The following PDE1C variants were observed in gnomAD, a reference collection of about 807,000 sequenced individuals.
PDE1C encodes phosphodiesterase 1C.
In PDE1C, 62 loss-of-function variants were observed where a neutral mutation model predicts 93.1. The ratio of observed to expected loss-of-function variants is 0.67; its 90% CI spans 0.54 to 0.82. The LOEUF is 0.82. Ranked by LOEUF, PDE1C falls within the 40% of genes least tolerant of loss-of-function variation. PDE1C has a pLI of 0.00. For synonymous variants in PDE1C, 325 were observed against 310.1 expected, an observed-to-expected ratio of 1.05 and a Z score of -0.50; for missense variants, 742 against 884.6, an observed-to-expected ratio of 0.84 and a Z score of 2.04.
the PDE1C span, among the ~76,000 whole-genome samples, chr7:31,742,572 T>C: frequency 6.6e-6 from 1 of 152,174 alleles, no homozygotes; most frequent in Non-Finnish European, 1.5e-5. Flanking sequence ...CTTGCCAATC[T>C]TCCTTCACTG....
intron 2 of PDE1C, among the ~76,000 whole-genome samples, chr7:32,016,170 C>T (rs1363239926): frequency 1.3e-5 from 2 of 152,238 alleles, no homozygotes; most frequent in African/African-American, 2.4e-5. Context: ...TATGGGGTAG[C>T]CCTGCTCTGC....
At chr7:32,345,197 C>G (rs185100934) in intron 1 of PDE1C, among the ~76,000 whole-genome samples, 2 of 152,124 alleles carry the variant, frequency 1.3e-5, no homozygotes, top group African/African-American at 4.8e-5. Context: ...GTGGAACTGT[C>G]AGGATATGAC....
chr7:32,199,130 A>AT (rs56817781), intron 2 of PDE1C, among the ~76,000 whole-genome samples: 5 of 149,596 alleles, frequency 3.3e-5, no homozygotes, highest in Admixed American at 6.7e-5. Flanking sequence ...AAAAATAAAA[A>AT]TTTAAAAAAA....
chr7:31,901,400 G>GTA (rs70989621), intron 2 of PDE1C, among the ~76,000 whole-genome samples: 30,608 of 151,164 alleles, frequency 0.2, 3,744 homozygotes, highest in Non-Finnish European at 0.28. Context: ...AACAGCCAAA[G>GTA]TATATATCTA....
chr7:31,692,236 A>C, the PDE1C span, among the ~76,000 whole-genome samples: 4 of 152,210 alleles, frequency 2.6e-5, no homozygotes, highest in African/African-American at 9.7e-5. Context: ...TTTTGGCTTA[A>C]ATCTCAAGTT....
At chr7:31,665,453 C>T in the PDE1C span, among the ~76,000 whole-genome samples, 1 of 152,126 alleles carries the variant, frequency 6.6e-6, no homozygotes, top group African/African-American at 2.4e-5. Flanking sequence ...CACATTTTAT[C>T]CCCAGGCCTA....
intron 3 of PDE1C, among the ~76,000 whole-genome samples, chr7:32,165,888 T>C (rs932247729): frequency 7.9e-5 from 12 of 152,148 alleles, no homozygotes; most frequent in African/African-American, 2.9e-4. Context: ...TGAAGCTTGT[T>C]AGAGAACAAC....
chr7:32,321,125 G>A (rs1226109236), intron 1 of PDE1C, among the ~76,000 whole-genome samples: 1 of 152,042 alleles, frequency 6.6e-6, no homozygotes, highest in African/African-American at 2.4e-5. Context: ...AGTGACAAAA[G>A]AACAAAAATC....
At chr7:31,886,870 G>GGAATAGATCTTTTCAGAATA (rs752979495) in intron 2 of PDE1C, among the ~76,000 whole-genome samples, 2,843 of 119,014 alleles carry the variant, frequency 0.024, 7 homozygotes, top group African/African-American at 0.028. Context: ...AGATCTATTC[G>GGAATAGATCTTTTCAGAATA]GATCTATTCA....
At chr7:31,698,493 T>G in the PDE1C span, among the ~76,000 whole-genome samples, 2 of 152,308 alleles carry the variant, frequency 1.3e-5, no homozygotes, top group Admixed American at 6.5e-5. Flanking sequence ...CACACACACA[T>G]TTCTACATAC....
chr7:32,337,510 A>T (rs1783651384), intron 1 of PDE1C, among the ~76,000 whole-genome samples: 1 of 152,192 alleles, frequency 6.6e-6, no homozygotes, highest in Non-Finnish European at 1.5e-5. Context: ...AAAGAGGGAG[A>T]TGGGGAAACT....
chr7:31,773,667 C>G (rs1584014063), intron 17 of PDE1C, among the ~76,000 whole-genome samples: 1 of 152,098 alleles, frequency 6.6e-6, no homozygotes, highest in Non-Finnish European at 1.5e-5. Flanking sequence ...TTAAGATGAG[C>G]CTTTTTTTCT....
At chr7:32,307,924 G>A (rs991980534) in intron 1 of PDE1C, among the ~76,000 whole-genome samples, 20 of 152,304 alleles carry the variant, frequency 1.3e-4, no homozygotes, top group African/African-American at 4.8e-4. Flanking sequence ...CCGAAGCAGG[G>A]CGAGGCATTG....
intron 3 of PDE1C, among the ~76,000 whole-genome samples, chr7:32,103,316 C>T (rs73689032): frequency 0.024 from 3,659 of 152,114 alleles, 140 homozygotes; most frequent in African/African-American, 0.083. Context: ...TTTGTTGATT[C>T]TCACTGCAGA....
chr7:32,083,088 G>T (rs575055983), intron 3 of PDE1C, among the ~76,000 whole-genome samples: 1,567 of 151,864 alleles, frequency 0.01, 39 homozygotes, highest in African/African-American at 0.036. Context: ...CAAAGGCAAA[G>T]AAGTTAAAAA....
intron 2 of PDE1C, among the ~76,000 whole-genome samples, chr7:31,938,528 T>C (rs1805393431): frequency 6.6e-6 from 1 of 152,154 alleles, no homozygotes; most frequent in South Asian, 2.1e-4. Context: ...TAGAATACTT[T>C]CCTTTTAATC....
rs10486503 is a variant in PDE1C, at chr7:32,209,298, G to T, written c.136+191C>A. Among the ~76,000 whole-genome samples the T allele has an allele frequency of 0.094, 14,266 of 152,276 alleles. 697 individuals are homozygous for T. Among genetic ancestry groups the T allele is most frequent in the East Asian group, 0.13 (660 of 5,168 alleles). Reference sequence around the variant, plus strand: ...ACAATTTGGAAACCACAGTTCTAAGGATTGAAAAGGCAGTAGCAATGAGTA... The same window carrying T: ...ACAATTTGGAAACCACAGTTCTAAGTATTGAAAAGGCAGTAGCAATGAGTA... On this transcript the variant is annotated intron_variant, in intron 2 of 18. Coordinates refer to the PDE1C transcript ENST00000396193.
At chr7:32,120,835 G>T (rs773368932) in intron 3 of PDE1C, among the ~76,000 whole-genome samples, 1 of 152,070 alleles carries the variant, frequency 6.6e-6, no homozygotes, top group Non-Finnish European at 1.5e-5. Context: ...CCAAATGATC[G>T]CAGTGCCTCT....
chr7:32,183,139 T>G (rs1014811087), intron 2 of PDE1C, among the ~76,000 whole-genome samples: 10 of 152,096 alleles, frequency 6.6e-5, no homozygotes, highest in South Asian at 6.2e-4. Flanking sequence ...CACTGCTCAA[T>G]GAAATAAAAG....
Sources: allele counts gnomAD v4.1 joint callset (sites outside exome capture counted in the v4.1 genomes callset), GRCh38; gene constraint gnomAD v4.1.1; transcripts MANE v1.5; gene names NCBI Gene and HGNC (gene_info 2026-07-23, HGNC 2026-07-21).